The following CEACAM16 variants were observed in gnomAD, a reference collection of about 807,000 sequenced individuals.
CEACAM16 encodes the protein cell adhesion molecule CEACAM16.
In CEACAM16, 30 loss-of-function variants were observed where a neutral mutation model predicts 39.4. The ratio of observed to expected loss-of-function variants is 0.76; its 90% CI spans 0.57 to 1.03. CEACAM16 has a LOEUF of 1.03. Among genes scored for constraint, CEACAM16 ranks in the 50% least tolerant of loss-of-function variants. CEACAM16 has a pLI of 0.00. For synonymous variants in CEACAM16, 262 were observed against 264.9 expected, an observed-to-expected ratio of 0.99 and a Z score of 0.11; for missense variants, 521 against 585.3, an observed-to-expected ratio of 0.89 and a Z score of 1.13.
chr19:44,706,315 T>C (rs1435118044), intron 5 of CEACAM16, among the ~76,000 whole-genome samples: 1 of 115,964 alleles, frequency 8.6e-6, no homozygotes, highest in Admixed American at 9.3e-5. Context: ...CACACACAAC[T>C]GAAGAATCAC....
chr19:44,709,474 C>G (rs1458937340), intron 6 of CEACAM16, among the ~76,000 whole-genome samples: 1 of 140,270 alleles, frequency 7.1e-6, no homozygotes, highest in African/African-American at 2.8e-5. Context: ...GAGTCAGGGA[C>G]CATGTCTCCT....
chr19:44,703,765 T>TA (rs1568527184), intron 3 of CEACAM16, 72 bp downstream of exon 3: 450 of 1,211,134 alleles, frequency 3.7e-4, no homozygotes, highest in South Asian at 2.6e-3. Flanking sequence ...CTTCTTTTTT[T>TA]TAAAAAAAAA....
chr19:44,703,278 T>G, intron 2 of CEACAM16, 71 bp from the exon 3 acceptor site: 1 of 1,407,856 alleles, frequency 7.1e-7, no homozygotes, highest in Non-Finnish European at 9.7e-7. Context: ...CGAGCCTGAG[T>G]CTCTTCTTCT....
At position 44,710,489 on chromosome 19, in the gene CEACAM16, C is replaced by T; in HGVS notation, c.1268-7C>T. 6.2e-7 allele frequency: 1 copy of T among 1,612,922 alleles called. No homozygotes were observed. Among genetic ancestry groups the T allele is most frequent in the Non-Finnish European group, 8.5e-7 (1 of 1,179,168 alleles). Reference sequence around the variant, plus strand: ...TCCTTCGCCCCCTCGCCCCATATGCCCCACAGCCCTGGGGTAACAGCGTGA... The same window carrying T: ...TCCTTCGCCCCCTCGCCCCATATGCTCCACAGCCCTGGGGTAACAGCGTGA... On this transcript the variant is annotated splice_region_variant and splice_polypyrimidine_tract_variant and intron_variant, in intron 6 of 6. Coordinates refer to ENST00000587331, the MANE Select transcript of CEACAM16 (RefSeq NM_001039213.4).
chr19:44,706,410 T>C (rs1244118029), intron 5 of CEACAM16, among the ~76,000 whole-genome samples: 2 of 152,136 alleles, frequency 1.3e-5, no homozygotes, highest in African/African-American at 4.8e-5. Context: ...GCTGGGGCAG[T>C]GCAGGCAGCT....
In CEACAM16 at chr19:44,703,498, T is replaced by C. The variant is rs1024683708; in HGVS notation, c.187T>C (p.Tyr63His). The C allele has an allele frequency of 1.5e-5, 24 of 1,613,752 alleles. No homozygotes were observed. Among genetic ancestry groups the C allele is most frequent in the Non-Finnish European group, 1.9e-5 (23 of 1,179,878 alleles). ...TGCGGGGCCCACACTCAGCGTGTCA[T>C]ACCTGGTGGCCAGCTACATCGTGAG... The part of the protein sequence containing the change: ...WYAGPTLSVS[Y>H]LVASYIVSTG... Residue 63 changes from tyrosine to histidine, a missense_variant, in exon 3 of 7, where the codon TAC becomes CAC. Physicochemically the swap from Tyr to His is moderately conservative, Grantham distance 83 (BLOSUM62 2). Transcript: ENST00000587331.
chr19:44,705,361 A>G (rs1157615632), intron 4 of CEACAM16, among the ~76,000 whole-genome samples: 1 of 152,178 alleles, frequency 6.6e-6, no homozygotes, highest in African/African-American at 2.4e-5. Context: ...ACCTTGAAAT[A>G]TTATCTTGCC....
At chr19:44,708,299 T>C in intron 6 of CEACAM16, 112 bp downstream of exon 6, 1 of 1,109,492 alleles carries the variant, frequency 9.0e-7, no homozygotes, top group Non-Finnish European at 1.3e-6. Context: ...TGGATACCCA[T>C]CCCCCATCAG....
chr19:44,708,252 GCT>G, intron 6 of CEACAM16, 65 bp downstream of exon 6: 1 of 1,419,160 alleles, frequency 7.0e-7, no homozygotes, highest in Non-Finnish European at 9.4e-7. Context: ...AGGAGCCTTT[GCT>G]TCCTCCATCA....
intron 5 of CEACAM16, 148 bp downstream of exon 5, chr19:44,706,016 A>C: frequency 1.0e-6 from 1 of 984,852 alleles, no homozygotes; most frequent in Non-Finnish European, 1.5e-6. Context: ...CATATCAGGC[A>C]GATCTGTTTG....
intron 5 of CEACAM16, among the ~76,000 whole-genome samples, chr19:44,706,297 C>CACACACATACAT (rs1555772259): frequency 8.0e-6 from 1 of 125,082 alleles, no homozygotes; most frequent in Non-Finnish European, 1.7e-5. Context: ...CACACACACA[C>CACACACATACAT]ACACACACAC....
chr19:44,707,666 C>T (rs1041849540), intron 5 of CEACAM16, among the ~76,000 whole-genome samples, 195 bp from the exon 6 acceptor site: 3 of 152,180 alleles, frequency 2.0e-5, no homozygotes, highest in African/African-American at 2.4e-5. Flanking sequence ...ATAGGGGAAA[C>T]ACAGACCCCA....
rs199597608 is a variant in CEACAM16, at chr19:44,708,169, G to T, written c.1249G>T (p.Val417Leu). Reference protein sequence around the residue: ...TVQGKTETLEVELQVAPLG With the variant: ...TVQGKTETLELELQVAPLG Reference sequence around the variant, plus strand: ...GCAGGGCAAGACTGAGACACTGGAAGTGGAGCTGCAGGTGGCCCGTGAGTG... The same window carrying T: ...GCAGGGCAAGACTGAGACACTGGAATTGGAGCTGCAGGTGGCCCGTGAGTG... The change falls in exon 6 of 7, where the codon GTG becomes TTG. Residue 417 changes from valine (V) to leucine (L), a missense_variant. Transcript: ENST00000587331. 1.6e-5 allele frequency: 25 copies of T among 1,576,434 alleles called. No homozygotes were observed. The highest frequency in any genetic ancestry group is 2.1e-5 in the Non-Finnish European group (24 of 1,153,928).
At chr19:44,702,085 G>T (rs547926187) in intron 2 of CEACAM16, among the ~76,000 whole-genome samples, 2 of 152,094 alleles carry the variant, frequency 1.3e-5, no homozygotes, top group Non-Finnish European at 2.9e-5. Flanking sequence ...CTGAGGTCAG[G>T]AGTTCAAGAC....
chr19:44,699,326 T>G (rs769417574), intron 1 of CEACAM16, 66 bp downstream of exon 1: 2 of 529,690 alleles, frequency 3.8e-6, no homozygotes, highest in Non-Finnish European at 7.8e-6. Context: ...GTGAGTACTA[T>G]TGTTTTCCCT....
chr19:44,707,493 G>A (rs531244101), intron 5 of CEACAM16, among the ~76,000 whole-genome samples: 3 of 152,148 alleles, frequency 2.0e-5, no homozygotes, highest in South Asian at 2.1e-4. Flanking sequence ...ATCTCATGGG[G>A]AAGACATGGT....
Position 44,703,425 on chromosome 19 carries a change from G to A in CEACAM16, c.114G>A (p.Thr38=), listed in dbSNP as rs894189. 113,314 of 1,613,668 alleles carry A rather than the reference G, an allele frequency of 0.07. 6,038 individuals carry two copies. The highest frequency in any genetic ancestry group is 0.25 in the African/African-American group (18,481 of 74,980). ...AGCCGAGCGAAGGGGACAACGTCAC[G>A]CTGGTCGTCCATGGGCTTTCGGGGG... ...PAQPSEGDNV[T]LVVHGLSGEL... The change falls in exon 3 of 7, where the codon ACG becomes ACA. Residue 38 remains threonine, a synonymous_variant. Coordinates refer to ENST00000587331, the MANE Select transcript of CEACAM16 (RefSeq NM_001039213.4).
chr19:44,701,437 G>C lies in CEACAM16; in HGVS notation c.-20G>C. The C allele has an allele frequency of 6.4e-7, 1 of 1,559,672 alleles. No individual in the cohort carries two copies. The highest frequency in any genetic ancestry group is 8.7e-7 in the Non-Finnish European group (1 of 1,151,188). ...GGGACTTCAACGCCACCATCTCCAA[G>C]ACTCGGTTTGGGGTGAAAGATGGCG... On this transcript the variant is annotated 5_prime_UTR_variant, in exon 2 of 7. Transcript: ENST00000587331. The surrounding 1 kb of genome is among the most constrained non-coding windows in gnomAD (Gnocchi z 4.0).
intron 1 of CEACAM16, 171 bp downstream of exon 1, chr19:44,699,431 C>CT (rs199957735): frequency 0.061 from 20,788 of 338,978 alleles, 38 homozygotes; most frequent in South Asian, 0.077. Flanking sequence ...AGAGCCTATA[C>CT]TTTTTTTTTT....
Sources: gnomAD v4.1 joint callset for allele counts (sites outside exome capture counted in the v4.1 genomes callset) on GRCh38, gnomAD v4.1.1 for gene constraint, Gnocchi (gnomAD v3.1) non-coding constraint, MANE v1.5 for transcripts, NCBI Gene and HGNC (gene_info 2026-07-23, HGNC 2026-07-21) for gene names.